The following MACROD2 variants were observed in gnomAD, a reference collection of about 807,000 sequenced individuals.
MACROD2 encodes mono-ADP ribosylhydrolase 2, also known as ADP-ribose glycohydrolase MACROD2.
A neutral mutation model predicts 70.4 loss-of-function variants in MACROD2; 36 were observed. That is an observed-to-expected ratio of 0.51 (90% CI 0.39 to 0.68). The LOEUF (loss-of-function observed/expected upper bound fraction) is 0.68, where lower values mean the gene tolerates loss of function less well. Ranked by LOEUF, MACROD2 falls within the 30% of genes least tolerant of loss-of-function variation. The probability of loss-of-function intolerance (pLI) is 0.00; values close to 1 mark genes in which losing one functional copy is unlikely to be tolerated. For missense variants in MACROD2, 496 were observed against 538.4 expected (o/e 0.92, Z 0.78); for synonymous variants, 172 against 178.8 (o/e 0.96, Z 0.30).
intron 8 of MACROD2, among the ~76,000 whole-genome samples, chr20:15,599,199 G>A (rs1334822724): frequency 2.0e-5 from 3 of 151,668 alleles, no homozygotes; most frequent in Admixed American, 6.6e-5. Context: ...GGCCAACATG[G>A]TGAAACCCTG....
At chr20:15,271,150 A>G (rs1379882532) in intron 6 of MACROD2, among the ~76,000 whole-genome samples, 2 of 152,176 alleles carry the variant, frequency 1.3e-5, no homozygotes, top group Non-Finnish European at 2.9e-5. Flanking sequence ...TATACAACCC[A>G]GATTTCTCAC....
At chr20:14,164,957 G>C (rs2055245972) in intron 3 of MACROD2, among the ~76,000 whole-genome samples, 1 of 152,142 alleles carries the variant, frequency 6.6e-6, no homozygotes, top group Non-Finnish European at 1.5e-5. Flanking sequence ...TGGGGTGTGT[G>C]AAAATGCATG....
At chr20:15,312,716 A>T (rs893600997) in intron 6 of MACROD2, among the ~76,000 whole-genome samples, 1 of 152,202 alleles carries the variant, frequency 6.6e-6, no homozygotes, top group African/African-American at 2.4e-5. Flanking sequence ...GTTGCCTATC[A>T]GGAAGATAGT....
chr20:15,683,869 C>T (rs549007945), intron 8 of MACROD2, among the ~76,000 whole-genome samples: 4 of 152,062 alleles, frequency 2.6e-5, no homozygotes, highest in South Asian at 2.1e-4. Flanking sequence ...TGTGAGCCAT[C>T]GCGCCTGGCT....
At chr20:15,319,660 A>G (rs2077851664) in intron 6 of MACROD2, among the ~76,000 whole-genome samples, 1 of 152,232 alleles carries the variant, frequency 6.6e-6, no homozygotes, top group African/African-American at 2.4e-5. Context: ...CCAAAGAGTG[A>G]ACAACAGGAA....
At chr20:14,499,065 T>C (rs959321520) in intron 4 of MACROD2, among the ~76,000 whole-genome samples, 2 of 152,092 alleles carry the variant, frequency 1.3e-5, no homozygotes, top group African/African-American at 4.8e-5. Context: ...AGCTGGCCTG[T>C]GCTCAGCAGG....
At chr20:15,783,841 C>G (rs750707859) in intron 8 of MACROD2, among the ~76,000 whole-genome samples, 1 of 152,060 alleles carries the variant, frequency 6.6e-6, no homozygotes, top group South Asian at 2.1e-4. Context: ...CAAGTTTACA[C>G]TGATATTAGT....
chr20:13,997,857 T>C (rs748466992), intron 1 of MACROD2, among the ~76,000 whole-genome samples: 4 of 152,144 alleles, frequency 2.6e-5, no homozygotes, highest in Non-Finnish European at 4.4e-5. Context: ...ATATAAAATA[T>C]ATATTATACC....
intron 12 of MACROD2, among the ~76,000 whole-genome samples, chr20:15,952,096 GCT>G (rs1379638903): frequency 6.6e-6 from 1 of 151,942 alleles, no homozygotes; most frequent in Non-Finnish European, 1.5e-5. Flanking sequence ...CCCTGCATAA[GCT>G]CTCTCTTTGC....
intron 6 of MACROD2, among the ~76,000 whole-genome samples, chr20:15,318,498 C>A (rs1297656535): frequency 6.6e-6 from 1 of 151,938 alleles, no homozygotes; most frequent in Non-Finnish European, 1.5e-5. Flanking sequence ...GATACCAAAG[C>A]CAGACAAAGA....
At chr20:15,000,399 G>A in intron 5 of MACROD2, among the ~76,000 whole-genome samples, 1 of 130,348 alleles carries the variant, frequency 7.7e-6, no homozygotes, top group African/African-American at 3.7e-5. Flanking sequence ...CGAGGCGGGT[G>A]GATCATGAGG....
chr20:15,869,238 T>TATATATAG lies in MACROD2; in HGVS notation c.727+6413_727+6414insTATATAGA. Among the ~76,000 whole-genome samples the TATATATAG allele has an allele frequency of 4.7e-3, 134 of 28,298 alleles. 2 individuals carry two copies. The highest frequency in any genetic ancestry group is 8.9e-3 in the Non-Finnish European group (116 of 13,034). The allele number at this position is 28,298 out of a possible 152,430, so 18.6% of individuals were successfully genotyped here. A position where few individuals can be genotyped will look rare whatever the true frequency, so the allele number is the denominator to read the frequency against. ...ATATATATATATATATATATATATA[T>TATATATAG]AGAGAGAGAGAGAGAGAGAGAGAGA... On this transcript the variant is annotated intron_variant, in intron 9 of 17. Transcript: ENST00000684519.
intron 6 of MACROD2, among the ~76,000 whole-genome samples, chr20:15,314,279 GA>G (rs747634672): frequency 5.4e-4 from 79 of 146,144 alleles, no homozygotes; most frequent in Non-Finnish European, 9.7e-4. Context: ...AATCGAAAAA[GA>G]AAAAAAAAAG....
intron 16 of MACROD2, 48 bp from the exon 17 acceptor site, chr20:16,044,523 G>A: frequency 3.3e-6 from 5 of 1,508,486 alleles, no homozygotes; most frequent in Non-Finnish European, 4.6e-6. Flanking sequence ...GTGTCTCAGA[G>A]ATTTAGGTTT....
At chr20:14,317,119 A>C (rs2082618539) in intron 3 of MACROD2, among the ~76,000 whole-genome samples, 1 of 152,092 alleles carries the variant, frequency 6.6e-6, no homozygotes, top group Non-Finnish European at 1.5e-5. Context: ...CCTATTTGCA[A>C]CTTTAACACA....
intron 4 of MACROD2, among the ~76,000 whole-genome samples, chr20:14,663,278 G>C (rs1277740987): frequency 6.6e-6 from 1 of 151,640 alleles, no homozygotes; most frequent in East Asian, 1.9e-4. Flanking sequence ...GGAGCTAAAT[G>C]ATAAGAACAC....
intron 5 of MACROD2, among the ~76,000 whole-genome samples, chr20:15,058,537 C>A (rs1264301576): frequency 6.6e-6 from 1 of 152,122 alleles, no homozygotes; most frequent in Non-Finnish European, 1.5e-5. Flanking sequence ...TCAAATTTAA[C>A]TAGGCATACT....
rs1568709311 is a variant in MACROD2 at position 14,629,954 on chromosome 20, TCTATCTATCTA to T, written c.302-54888_302-54878del. Among the ~76,000 whole-genome samples the T allele has an allele frequency of 8.3e-4, 118 of 142,042 alleles. 1 individual carries two copies. Among genetic ancestry groups the T allele is most frequent in the Admixed American group, 7.0e-4 (10 of 14,320 alleles). The allele number at this position is 142,042 out of a possible 152,430, so 93.2% of individuals were successfully genotyped here. A position where few individuals can be genotyped will look rare whatever the true frequency, so the allele number is the denominator to read the frequency against. Reference sequence around the variant, plus strand: ...ACTCAGATCCTATTATGTGCTAAGGTCTATCTATCTATCTATCTATCTATCTATCTATCTAT... The same window carrying T: ...ACTCAGATCCTATTATGTGCTAAGGTTCTATCTATCTATCTATCTATCTAT... On this transcript the variant is annotated intron_variant, in intron 4 of 17. Transcript: ENST00000684519.
At chr20:14,526,079 T>C (rs893021734) in intron 4 of MACROD2, among the ~76,000 whole-genome samples, 2 of 152,204 alleles carry the variant, frequency 1.3e-5, no homozygotes, top group African/African-American at 4.8e-5. Context: ...ATATCTTGCA[T>C]GGCCCAGAGT....
Sources: allele counts gnomAD v4.1 joint callset (sites outside exome capture counted in the v4.1 genomes callset), GRCh38; gene constraint gnomAD v4.1.1; transcripts MANE v1.5; gene names NCBI Gene and HGNC (gene_info 2026-07-23, HGNC 2026-07-21).